The following HUNK variants were observed in gnomAD, a reference collection of about 807,000 sequenced individuals.
The protein encoded by HUNK is hormonally up-regulated Neu-associated kinase, also known as hormonally up-regulated neu tumor-associated kinase.
In HUNK, 21 loss-of-function variants were observed where a neutral mutation model predicts 61.0. The observed-to-expected ratio is 0.34, with a 90% confidence interval of 0.24 to 0.50. The LOEUF (loss-of-function observed/expected upper bound fraction) is 0.50, where lower values mean the gene tolerates loss of function less well. HUNK is among the 20% of genes least tolerant of loss of function. HUNK has a pLI of 0.98. For synonymous variants in HUNK, 371 were observed against 386.1 expected, an observed-to-expected ratio of 0.96 and a Z score of 0.46; for missense variants, 772 against 945.7, an observed-to-expected ratio of 0.82 and a Z score of 2.41.
At chr21:31,918,805 A>T (rs1397473534) in intron 1 of HUNK, among the ~76,000 whole-genome samples, 4 of 152,212 alleles carry the variant, frequency 2.6e-5, no homozygotes, top group Non-Finnish European at 4.4e-5. Context: ...GCAGAGTCCC[A>T]TCCCCCTAAA....
chr21:31,916,709 C>A (rs1297785126), intron 1 of HUNK, among the ~76,000 whole-genome samples: 1 of 150,872 alleles, frequency 6.6e-6, no homozygotes, highest in South Asian at 2.1e-4. Flanking sequence ...TGGAGTCTTG[C>A]TCTGTCACCC....
chr21:31,900,882 C>T lies in HUNK; in HGVS notation c.262-23586C>T, dbSNP rs78690079. Among the ~76,000 whole-genome samples the T allele has an allele frequency of 6.3e-3, 957 of 152,204 alleles. 51 individuals are homozygous for T. In the East Asian group the frequency reaches 0.086, roughly 14 times the overall value. On this transcript the variant is annotated intron_variant, in intron 1 of 10. Transcript: ENST00000270112. The stretch of plus-strand genomic sequence containing the variant: ...AAAGTGTCCACAGACCTTAGAACAA[C>T]GGAAACTGTCTCACGGTAACCCAGA...
intron 1 of HUNK, among the ~76,000 whole-genome samples, chr21:31,892,023 T>A (rs2052390810): frequency 6.6e-6 from 1 of 152,042 alleles, no homozygotes; most frequent in African/African-American, 2.4e-5. Flanking sequence ...TTGGGACTCC[T>A]ATCTGCTTTC....
chr21:31,980,945 C>T (rs574755284), intron 7 of HUNK, among the ~76,000 whole-genome samples: 2 of 152,284 alleles, frequency 1.3e-5, no homozygotes, highest in Admixed American at 1.3e-4. Context: ...CTCAGGTGAT[C>T]CACCTGCCTT....
chr21:31,982,637 AC>A (rs1416292139), intron 7 of HUNK, among the ~76,000 whole-genome samples: 2 of 151,890 alleles, frequency 1.3e-5, no homozygotes, highest in Non-Finnish European at 2.9e-5. Context: ...TTTTTATTTC[AC>A]CCATTTCCAG....
chr21:31,875,298 C>G (rs1278725493), intron 1 of HUNK, among the ~76,000 whole-genome samples: 1 of 152,198 alleles, frequency 6.6e-6, no homozygotes, highest in African/African-American at 2.4e-5. Context: ...CATTTCCCCT[C>G]TTTGTCTTGG....
At chr21:31,966,202 T>C (rs755681326) in intron 5 of HUNK, among the ~76,000 whole-genome samples, 3 of 152,166 alleles carry the variant, frequency 2.0e-5, no homozygotes, top group Non-Finnish European at 4.4e-5. Flanking sequence ...AGAATAATGG[T>C]CTCCAACTCC....
chr21:31,919,768 T>C (rs935564232), intron 1 of HUNK, among the ~76,000 whole-genome samples: 1 of 152,102 alleles, frequency 6.6e-6, no homozygotes, highest in Non-Finnish European at 1.5e-5. Flanking sequence ...TGAGGAATTG[T>C]CAGAGGCTCC....
chr21:31,919,394 A>G (rs1448077487), intron 1 of HUNK, among the ~76,000 whole-genome samples: 2 of 152,202 alleles, frequency 1.3e-5, no homozygotes, highest in African/African-American at 4.8e-5. Flanking sequence ...GCATTTGCAC[A>G]GAAGTTGGAA....
intron 3 of HUNK, 92 bp downstream of exon 3, chr21:31,940,312 A>G (rs1410569597): frequency 5.7e-6 from 4 of 699,838 alleles, no homozygotes; most frequent in Non-Finnish European, 9.4e-6. Flanking sequence ...TCTATCTCTA[A>G]TACCCAGACA....
intron 5 of HUNK, among the ~76,000 whole-genome samples, chr21:31,960,697 CCAT>C (rs953872892): frequency 6.6e-6 from 1 of 152,036 alleles, no homozygotes; most frequent in Non-Finnish European, 1.5e-5. Flanking sequence ...ATTTATAAAA[CCAT>C]CAGATCTCGT....
intron 7 of HUNK, among the ~76,000 whole-genome samples, chr21:31,981,788 G>C (rs1348300782): frequency 1.3e-5 from 2 of 152,072 alleles, no homozygotes; most frequent in Non-Finnish European, 2.9e-5. Context: ...ATATAAGATC[G>C]TGTATCTACA....
chr21:31,879,313 G>A (rs767659990), intron 1 of HUNK, among the ~76,000 whole-genome samples: 2 of 152,196 alleles, frequency 1.3e-5, no homozygotes, highest in East Asian at 3.9e-4. Flanking sequence ...CAAGAAGGAG[G>A]CATTTGCAAA....
intron 2 of HUNK, among the ~76,000 whole-genome samples, chr21:31,928,290 G>T (rs917173891): frequency 3.3e-5 from 5 of 152,098 alleles, no homozygotes; most frequent in African/African-American, 1.2e-4. Context: ...TCTCAGGATC[G>T]CGAGAACAAC....
intron 1 of HUNK, among the ~76,000 whole-genome samples, chr21:31,920,077 G>C (rs751802681): frequency 7.9e-5 from 12 of 152,186 alleles, no homozygotes; most frequent in Non-Finnish European, 1.8e-4. Flanking sequence ...ATCCTTCCCT[G>C]CCTCTTCTGG....
chr21:31,886,778 T>C (rs2052349356), intron 1 of HUNK, among the ~76,000 whole-genome samples: 2 of 152,174 alleles, frequency 1.3e-5, no homozygotes, highest in South Asian at 4.2e-4. Context: ...CTCGAGTAGC[T>C]GAGATTACAG....
chr21:31,951,237 A>G (rs1396721126), intron 4 of HUNK, among the ~76,000 whole-genome samples: 1 of 151,334 alleles, frequency 6.6e-6, no homozygotes, highest in African/African-American at 2.4e-5. Flanking sequence ...GTGTGTCTCC[A>G]ATGAACTTTG....
intron 4 of HUNK, among the ~76,000 whole-genome samples, chr21:31,947,034 C>T (rs571220811): frequency 1.3e-5 from 2 of 151,934 alleles, no homozygotes; most frequent in East Asian, 3.9e-4. Flanking sequence ...AAGCCAGTGG[C>T]GCCTGCGCAT....
chr21:31,927,924 A>G (rs963806721), intron 2 of HUNK, among the ~76,000 whole-genome samples: 1 of 152,226 alleles, frequency 6.6e-6, no homozygotes, highest in African/African-American at 2.4e-5. Context: ...GCATGTTGTC[A>G]TGAGATCACC....
Sources: allele counts gnomAD v4.1 joint callset (sites outside exome capture counted in the v4.1 genomes callset), GRCh38; gene constraint gnomAD v4.1.1; transcripts MANE v1.5; gene names NCBI Gene and HGNC (gene_info 2026-07-23, HGNC 2026-07-21).